Variants in ZNF475 observed in about 807,000 individuals in gnomAD.
The protein encoded by ZNF475 is zinc finger protein 475.
At chr5:122,163,936 C>A in the ZNF475 span, among the ~76,000 whole-genome samples, 1 of 151,764 alleles carries the variant, frequency 6.6e-6, no homozygotes, top group Non-Finnish European at 1.5e-5. Context: ...TTCAATGTGA[C>A]AATCTCTGTG....
chr5:122,170,809 T>A, the ZNF475 span, among the ~76,000 whole-genome samples: 38 of 152,328 alleles, frequency 2.5e-4, no homozygotes, highest in African/African-American at 8.9e-4. Context: ...ATCTTAAAGC[T>A]GTCTGGGCGG....
the ZNF475 span, among the ~76,000 whole-genome samples, chr5:122,170,168 GACA>G: frequency 2.6e-5 from 4 of 152,086 alleles, no homozygotes; most frequent in Admixed American, 2.6e-4. Flanking sequence ...CTTTTCTATT[GACA>G]ACACTTCTGA....
At chr5:122,178,489 G>A in the ZNF475 span, among the ~76,000 whole-genome samples, 1 of 152,162 alleles carries the variant, frequency 6.6e-6, no homozygotes, top group African/African-American at 2.4e-5. Flanking sequence ...AATGACCAGT[G>A]ATGATGAGTT....
chr5:122,168,775 A>G, the ZNF475 span, among the ~76,000 whole-genome samples: 1 of 152,224 alleles, frequency 6.6e-6, no homozygotes, highest in East Asian at 1.9e-4. Flanking sequence ...TGTCTCAAAG[A>G]TATGAAGTCC....
At chr5:122,168,591 T>C in the ZNF475 span, among the ~76,000 whole-genome samples, 1 of 152,300 alleles carries the variant, frequency 6.6e-6, no homozygotes, top group Middle Eastern at 3.4e-3. Context: ...CCGGCGCCTG[T>C]AGTCCCAGCT....
the ZNF475 span, among the ~76,000 whole-genome samples, chr5:122,160,703 T>C: frequency 1.1e-4 from 16 of 152,160 alleles, no homozygotes; most frequent in Non-Finnish European, 2.4e-4. Context: ...AATTCAAATA[T>C]TATTTAGGCG....
the ZNF475 span, among the ~76,000 whole-genome samples, chr5:122,169,557 C>A: frequency 6.6e-6 from 1 of 152,130 alleles, no homozygotes; most frequent in African/African-American, 2.4e-5. Flanking sequence ...GGGGCTAAGA[C>A]TGGCCATGGC....
At chr5:122,160,208 C>T in the ZNF475 span, 1 of 1,289,622 alleles carries the variant, frequency 7.8e-7, no homozygotes, top group Non-Finnish European at 1.0e-6. Context: ...GCCTGCATAT[C>T]AGGGCAGCAT....
chr5:122,165,726 A>C, the ZNF475 span, among the ~76,000 whole-genome samples: 4 of 151,870 alleles, frequency 2.6e-5, no homozygotes, highest in Non-Finnish European at 5.9e-5. Context: ...TGCAACCTAC[A>C]AAATGTAGGT....
At chr5:122,172,188 CA>C in the ZNF475 span, among the ~76,000 whole-genome samples, 7 of 152,244 alleles carry the variant, frequency 4.6e-5, no homozygotes, top group South Asian at 4.1e-4. Flanking sequence ...CAAAGAGGAT[CA>C]GGGGTAGAGT....
chr5:122,176,021 T>C, the ZNF475 span, among the ~76,000 whole-genome samples: 4 of 152,200 alleles, frequency 2.6e-5, no homozygotes, highest in Admixed American at 2.0e-4. Flanking sequence ...TGGTATGGAA[T>C]CCACTGATAA....
chr5:122,167,361 G>C, the ZNF475 span, among the ~76,000 whole-genome samples: 79 of 152,142 alleles, frequency 5.2e-4, no homozygotes, highest in African/African-American at 1.9e-3. Flanking sequence ...AAAAAGTCTT[G>C]ATAAAATATT....
At chr5:122,166,037 G>A in the ZNF475 span, among the ~76,000 whole-genome samples, 4 of 152,162 alleles carry the variant, frequency 2.6e-5, no homozygotes, top group Admixed American at 6.5e-5. Flanking sequence ...TTATTCCCTG[G>A]TAGCAGATGG....
At chr5:122,177,748 CT>C in the ZNF475 span, among the ~76,000 whole-genome samples, 1 of 150,902 alleles carries the variant, frequency 6.6e-6, no homozygotes, top group Non-Finnish European at 1.5e-5. Context: ...GACATTTTTT[CT>C]TTTTTTTTAA....
At chr5:122,166,998 A>G in the ZNF475 span, among the ~76,000 whole-genome samples, 1 of 152,216 alleles carries the variant, frequency 6.6e-6, no homozygotes. Flanking sequence ...GTCCTTGCCC[A>G]TGCCTATGTC....
At chr5:122,171,191 G>C in the ZNF475 span, among the ~76,000 whole-genome samples, 1 of 151,766 alleles carries the variant, frequency 6.6e-6, no homozygotes, top group Non-Finnish European at 1.5e-5. Flanking sequence ...AAATAATTTA[G>C]TCTGCATTAT....
the ZNF475 span, among the ~76,000 whole-genome samples, chr5:122,180,336 C>G: frequency 6.6e-6 from 1 of 152,184 alleles, no homozygotes; most frequent in African/African-American, 2.4e-5. Flanking sequence ...AAATTTAGTC[C>G]AATGTACTCA....
At chr5:122,165,240 G>T in the ZNF475 span, among the ~76,000 whole-genome samples, 1 of 152,186 alleles carries the variant, frequency 6.6e-6, no homozygotes, top group Non-Finnish European at 1.5e-5. Flanking sequence ...GTTTATCTCT[G>T]CTCACAATGG....
chr5:122,174,528 T>C, the ZNF475 span, among the ~76,000 whole-genome samples: 1 of 152,342 alleles, frequency 6.6e-6, no homozygotes, highest in South Asian at 2.1e-4. Flanking sequence ...CAACTGAAGT[T>C]CAACCACAAA....
Sources: gnomAD v4.1 joint callset for allele counts (sites outside exome capture counted in the v4.1 genomes callset) on GRCh38, gnomAD v4.1.1 for gene constraint, MANE v1.5 for transcripts, NCBI Gene and HGNC (gene_info 2026-07-23, HGNC 2026-07-21) for gene names.